The following LRBA variants were observed in gnomAD, a reference collection of about 807,000 sequenced individuals.
LRBA encodes lipopolysaccharide-responsive and beige-like anchor protein.
A neutral mutation model predicts 330.0 loss-of-function variants in LRBA; 176 were observed. That is an observed-to-expected ratio of 0.53 (90% CI 0.47 to 0.60). The LOEUF is 0.60. Ranked by LOEUF, LRBA falls within the 20% of genes least tolerant of loss-of-function variation. The pLI is 0.00. For synonymous variants in LRBA, 1,230 were observed against 1,193.0 expected, an observed-to-expected ratio of 1.03 and a Z score of -0.64; for missense variants, 3,259 against 3,444.8, an observed-to-expected ratio of 0.95 and a Z score of 1.35.
chr4:150,318,678 A>G (rs1416745123), intron 50 of LRBA, among the ~76,000 whole-genome samples: 1 of 152,186 alleles, frequency 6.6e-6, no homozygotes, highest in African/African-American at 2.4e-5. Context: ...TTCTAGAAAG[A>G]TAACTGCCTG....
intron 34 of LRBA, among the ~76,000 whole-genome samples, chr4:150,781,344 A>G (rs1419496778): frequency 1.3e-5 from 2 of 152,222 alleles, no homozygotes; most frequent in African/African-American, 2.4e-5. Flanking sequence ...AGATTCTCAT[A>G]AGGAGCACAC....
rs1240979542 is a variant in LRBA, at chr4:150,970,300, G to C, written c.217-41235C>G. Among the ~76,000 whole-genome samples, 6 of 151,976 alleles carry C rather than the reference G, an allele frequency of 3.9e-5. No homozygotes were observed. In the South Asian group the frequency reaches 1.2e-3, roughly 32 times the overall value. On this transcript the variant is annotated intron_variant, in intron 2 of 56. Transcript: ENST00000651943. Reference sequence around the variant, plus strand: ...AGATCACTTGAGCCCAGGAGTTTAAGACCAGCCTGGGCAACTTAGGGAGAC... The same window carrying C: ...AGATCACTTGAGCCCAGGAGTTTAACACCAGCCTGGGCAACTTAGGGAGAC...
At chr4:150,386,270 A>T (rs973995950) in intron 47 of LRBA, among the ~76,000 whole-genome samples, 16 of 152,332 alleles carry the variant, frequency 1.1e-4, no homozygotes, top group African/African-American at 3.8e-4. Context: ...GTATTTCATT[A>T]ATGTTTTCTA....
rs1439664207 is a variant in LRBA at position 150,265,561 on chromosome 4, AAAGTC to A, written c.*156_*160del. 1 of 548,796 alleles carries A rather than the reference AAAGTC, an allele frequency of 1.8e-6. No homozygotes were observed. Among genetic ancestry groups the A allele is most frequent in the Non-Finnish European group, 3.3e-6 (1 of 301,134 alleles). The allele number at this position is 548,796 out of a possible 1,614,324, so 34.0% of individuals were successfully genotyped here. On this transcript the variant is annotated 3_prime_UTR_variant, in exon 57 of 57. Coordinates refer to ENST00000651943, the MANE Select transcript of LRBA (RefSeq NM_001364905.1). ...TTCTGCTTTGCTAATCCCCCCCAAA[AAAGTC>A]AAGCAAAGACTACAAAAATAGCAAT... is the stretch of plus-strand genomic sequence containing the variant.
intron 34 of LRBA, among the ~76,000 whole-genome samples, chr4:150,779,142 T>C (rs1737821371): frequency 6.6e-6 from 1 of 152,122 alleles, no homozygotes; most frequent in African/African-American, 2.4e-5. Context: ...ATACTTTTAA[T>C]TTAGAATTAA....
At chr4:150,887,092 T>C (rs1190463918) in intron 17 of LRBA, among the ~76,000 whole-genome samples, 1 of 152,224 alleles carries the variant, frequency 6.6e-6, no homozygotes, top group African/African-American at 2.4e-5. Context: ...CAATATTGCA[T>C]ATAATATGTA....
chr4:150,430,069 T>C (rs1049126324), intron 46 of LRBA, among the ~76,000 whole-genome samples: 1 of 152,150 alleles, frequency 6.6e-6, no homozygotes, highest in Non-Finnish European at 1.5e-5. Context: ...GCTATATATA[T>C]ATGCCCAAGT....
In LRBA at chr4:150,277,956, T is replaced by TG; in HGVS notation, c.8364dup (p.Arg2789GlnfsTer22). 1 of 1,614,164 alleles carries TG rather than the reference T, an allele frequency of 6.2e-7. No homozygotes were observed. The highest frequency in any genetic ancestry group is 1.1e-5 in the South Asian group (1 of 91,078). ...ACCTGCCGGACCACGACCACTCCTC[T>TG]GTCTCCTCCTGTGAGCAGGTACTGC... is the stretch of plus-strand genomic sequence containing the variant. On this transcript the variant is annotated frameshift_variant, in exon 56 of 57. Transcript: ENST00000651943. LOFTEE classifies it high-confidence loss of function.
chr4:150,526,069 G>A, intron 40 of LRBA, among the ~76,000 whole-genome samples: 1 of 152,052 alleles, frequency 6.6e-6, no homozygotes, highest in Non-Finnish European at 1.5e-5. Flanking sequence ...CATTTGTGAG[G>A]AATATATTTC....
rs1764368971 is a variant in LRBA, at chr4:150,534,181, T to TTA, written c.6331-43148_6331-43147dup. ...TAGATAATATATAATAATTACAATG[T>TTA]TATATTTTATAAGATCATTTAGTCA... On this transcript the variant is annotated intron_variant, in intron 40 of 56. Transcript: ENST00000651943. Among the ~76,000 whole-genome samples, 4 of 151,592 alleles carry TTA rather than the reference T, an allele frequency of 2.6e-5. No individual in the cohort carries two copies. In the South Asian group the frequency reaches 8.3e-4, roughly 32 times the overall value.
chr4:151,013,206 T>C (rs1745052094), intron 2 of LRBA: 1 of 152,260 alleles, frequency 6.6e-6, no homozygotes, highest in Non-Finnish European at 1.5e-5. Flanking sequence ...GGAAAGGTGC[T>C]AAACAGTTAT....
intron 56 of LRBA, among the ~76,000 whole-genome samples, chr4:150,272,002 G>C (rs1322255822): frequency 3.3e-5 from 5 of 152,206 alleles, no homozygotes; most frequent in Non-Finnish European, 7.4e-5. Flanking sequence ...GACAGCATTT[G>C]AGCTCTGCTA....
intron 40 of LRBA, among the ~76,000 whole-genome samples, chr4:150,543,143 A>G (rs6821229): frequency 1.3e-5 from 2 of 152,142 alleles, no homozygotes; most frequent in Non-Finnish European, 2.9e-5. Flanking sequence ...CTTTCCCCCA[A>G]TTAACGATCC....
intron 47 of LRBA, among the ~76,000 whole-genome samples, chr4:150,379,172 G>A (rs994306362): frequency 2.0e-5 from 3 of 151,592 alleles, no homozygotes; most frequent in Non-Finnish European, 4.4e-5. Flanking sequence ...GTGTGGTGGC[G>A]GGCACCTGTA....
chr4:150,622,904 A>G, intron 37 of LRBA, among the ~76,000 whole-genome samples: 1 of 151,814 alleles, frequency 6.6e-6, no homozygotes, highest in Non-Finnish European at 1.5e-5. Flanking sequence ...TCACCGTGTT[A>G]GCCAGGATGG....
chr4:150,828,453 C>T lies in LRBA; in HGVS notation c.4898G>A (p.Gly1633Asp). Residue 1633 changes from glycine to aspartate, a missense_variant, in exon 30 of 57, where the codon GGC becomes GAC. Coordinates refer to ENST00000651943, the MANE Select transcript of LRBA (RefSeq NM_001364905.1). ...TAGCACCTCGCTGATTGCATCTGGG[C>T]CTGCACTGACACCAGGAGGTGCTGT... ...PHTAPPGVSA[G>D]PDAISEVLST... 6.2e-7 allele frequency: 1 copy of T among 1,614,100 alleles called. No individual in the cohort carries two copies. The highest frequency in any genetic ancestry group is 8.5e-7 in the Non-Finnish European group (1 of 1,179,990).
intron 37 of LRBA, among the ~76,000 whole-genome samples, chr4:150,607,909 C>T (rs1774826583): frequency 6.6e-6 from 1 of 152,164 alleles, no homozygotes; most frequent in Admixed American, 6.5e-5. Context: ...GTGGCATGTG[C>T]CTGTAATCTC....
At chr4:150,986,863 T>A (rs1741518629) in intron 2 of LRBA, among the ~76,000 whole-genome samples, 1 of 152,024 alleles carries the variant, frequency 6.6e-6, no homozygotes, top group Non-Finnish European at 1.5e-5. Flanking sequence ...GTAAAGAAAA[T>A]GATACTCGTG....
intron 47 of LRBA, among the ~76,000 whole-genome samples, chr4:150,364,941 T>G (rs1561071616): frequency 6.6e-6 from 1 of 151,768 alleles, no homozygotes; most frequent in African/African-American, 2.4e-5. Context: ...TAAAATATCA[T>G]AAAAATGTAT....
Sources: gnomAD v4.1 joint callset for allele counts (sites outside exome capture counted in the v4.1 genomes callset) on GRCh38, gnomAD v4.1.1 for gene constraint, MANE v1.5 for transcripts, NCBI Gene and HGNC (gene_info 2026-07-23, HGNC 2026-07-21) for gene names.